The following CZIB variants were observed in gnomAD, a reference collection of about 807,000 sequenced individuals.
CZIB encodes UPF0587 protein C1orf123.
In CZIB, 26 loss-of-function variants were observed where a neutral mutation model predicts 28.3. The observed-to-expected ratio is 0.92, with a 90% CI of 0.67 to 1.27. The LOEUF is 1.27. CZIB is among the 50% of genes most tolerant of loss of function. The probability of loss-of-function intolerance (pLI) is 0.00; values close to 1 mark genes in which losing one functional copy is unlikely to be tolerated. For missense variants in CZIB, 179 were observed against 197.3 expected, an observed-to-expected ratio of 0.91 and a Z score of 0.56; for synonymous variants, 78 against 71.1, an observed-to-expected ratio of 1.10 and a Z score of -0.49.
chr1:53,214,843 C>G (rs1645459633), intron 7 of CZIB, 107 bp from the exon 8 acceptor site: 1 of 845,314 alleles, frequency 1.2e-6, no homozygotes. Flanking sequence ...CTCAAATAAT[C>G]ATGAACATGT....
In CZIB at chr1:53,218,909, G is replaced by A; in HGVS notation, c.105C>T (p.Asn35=). ...GCCACTTGTCCGAAATCTCACCACAGTTGCCACATTTCATCTTTGGGGAAA... is the reference window on the plus strand; with the variant it reads ...GCCACTTGTCCGAAATCTCACCACAATTGCCACATTTCATCTTTGGGGAAA... ...FRWYLKMKCG[N]CGEISDKWQY... is the part of the protein sequence containing the mutation. The change falls in exon 3 of 8, where the codon AAC becomes AAT. Residue 35 remains asparagine (N), a synonymous_variant. Transcript: ENST00000294360. The A allele has an allele frequency of 6.2e-7, 1 of 1,613,990 alleles. No homozygotes were observed. The highest frequency in any genetic ancestry group is 8.5e-7 in the Non-Finnish European group (1 of 1,179,898).
rs1645485640 is a variant in CZIB at position 53,218,160 on chromosome 1, C to T, written c.261+12G>A. The stretch of plus-strand genomic sequence containing the variant: ...AAGCCCACCATCCCTGCCACTACAG[C>T]AGCAAACTTACATTGTAAGGCTTGA... On this transcript the variant is annotated intron_variant, in intron 5 of 7. Coordinates refer to ENST00000294360, the MANE Select transcript of CZIB (RefSeq NM_017887.3). The T allele has an allele frequency of 6.2e-7, 1 of 1,613,840 alleles. No individual in the cohort carries two copies. Among genetic ancestry groups the T allele is most frequent in the African/African-American group, 1.3e-5 (1 of 75,056 alleles).
chr1:53,220,390 C>T (rs750327150), intron 1 of CZIB, 46 bp from the exon 2 acceptor site: 3 of 1,596,854 alleles, frequency 1.9e-6, no homozygotes, highest in East Asian at 2.2e-5. Flanking sequence ...GCCTGCGCAG[C>T]CCCACGCCTG....
intron 3 of CZIB, 88 bp downstream of exon 3, chr1:53,218,779 G>A: frequency 2.2e-6 from 3 of 1,339,602 alleles, no homozygotes; most frequent in East Asian, 2.3e-5. Flanking sequence ...GAACTGGAGA[G>A]ATGAAGGCCA....
intron 7 of CZIB, 97 bp from the exon 8 acceptor site, chr1:53,214,833 CTCAAATAA>C (rs1645459573): frequency 1.1e-6 from 1 of 926,592 alleles, no homozygotes; most frequent in African/African-American, 1.6e-5. Flanking sequence ...CAGGCTCTGA[CTCAAATAA>C]TCATGAACAT....
rs561606271 is a variant in CZIB, at chr1:53,220,495, C to T, written c.6+75G>A. 5,077 of 1,596,600 alleles carry T rather than the reference C, an allele frequency of 3.2e-3. 22 individuals are homozygous for T. Among genetic ancestry groups the T allele is most frequent in the Middle Eastern group, 0.02 (115 of 5,870 alleles). Reference sequence around the variant, plus strand: ...CGCGCACCCACTCGCTTCATCTCCTCCTGGCGCGAGCTGTTGCCTCCCAGA... The same window carrying T: ...CGCGCACCCACTCGCTTCATCTCCTTCTGGCGCGAGCTGTTGCCTCCCAGA... On this transcript the variant is annotated intron_variant, in intron 1 of 7. Coordinates refer to ENST00000294360, the MANE Select transcript of CZIB (RefSeq NM_017887.3).
In CZIB at chr1:53,214,380, T is replaced by A. The variant is rs930102958; in HGVS notation, c.*279A>T. ...TGGGGAGATACCATCTCCTTAAAAA[T>A]ACTCTTCATTTTCCTAAGGAGTGAA... On this transcript the variant is annotated 3_prime_UTR_variant, in exon 8 of 8. Transcript: ENST00000294360. The A allele has an allele frequency of 1.3e-5, 5 of 384,194 alleles. No homozygotes were observed. The Admixed American group carries it at 1.6e-4, about 12-fold the overall frequency. The allele number at this position is 384,194 out of a possible 1,614,324, so 23.8% of individuals were successfully genotyped here. A position where few individuals can be genotyped will look rare whatever the true frequency, so the allele number is the denominator to read the frequency against.
chr1:53,218,916 C>T lies in CZIB; in HGVS notation c.98G>A (p.Cys33Tyr), dbSNP rs752769385. Reference sequence around the variant, plus strand: ...GTCCGAAATCTCACCACAGTTGCCACATTTCATCTTTGGGGAAAAAGAATG... The same window carrying T: ...GTCCGAAATCTCACCACAGTTGCCATATTTCATCTTTGGGGAAAAAGAATG... ...EDFRWYLKMK[C>Y]GNCGEISDKW... The change falls in exon 3 of 8, where the codon TGT (cysteine) becomes TAT (tyrosine). Residue 33 changes from cysteine (C) to tyrosine (Y), a missense_variant. By Grantham distance (194) the Cys-to-Tyr change is radical (BLOSUM62 -2). Transcript: ENST00000294360. 6.2e-7 allele frequency: 1 copy of T among 1,613,832 alleles called. No homozygotes were observed. Among genetic ancestry groups the T allele is most frequent in the Non-Finnish European group, 8.5e-7 (1 of 1,179,812 alleles).
Position 53,214,682 on chromosome 1 carries a change from T to C in CZIB, c.460A>G (p.Thr154Ala). Residue 154 changes from threonine to alanine, a missense_variant, in exon 8 of 8, where the codon ACC becomes GCC. By Grantham distance (58) the Thr-to-Ala change is moderately conservative. Coordinates refer to ENST00000294360, the MANE Select transcript of CZIB (RefSeq NM_017887.3). Reference protein sequence around the residue: ...AQESVGIYEVTHQFVKC With the variant: ...AQESVGIYEVAHQFVKC Reference sequence around the variant, plus strand: ...GATCAGCACTTCACAAACTGGTGGGTGACCTCATAGATTCCCACAGACTCC... The same window carrying C: ...GATCAGCACTTCACAAACTGGTGGGCGACCTCATAGATTCCCACAGACTCC... The C allele has an allele frequency of 1.2e-6, 2 of 1,614,108 alleles. No individual in the cohort carries two copies. Among genetic ancestry groups the C allele is most frequent in the South Asian group, 1.1e-5 (1 of 91,082 alleles).
rs1449032645 is a variant in CZIB, at chr1:53,220,336, C to T, written c.15G>A (p.Ala5=). MGKI[A]LQLKATLENI... The stretch of plus-strand genomic sequence containing the variant: ...TCTCCAGCGTGGCTTTGAGTTGCAG[C>T]GCGATTTTCTGAGGGGGAGGGCCAG... Residue 5 remains alanine, a synonymous_variant, in exon 2 of 8, where the codon GCG becomes GCA. Transcript: ENST00000294360. 1.2e-6 allele frequency: 2 copies of T among 1,612,902 alleles called. No homozygotes were observed. Among genetic ancestry groups the T allele is most frequent in the Non-Finnish European group, 1.7e-6 (2 of 1,179,908 alleles).
chr1:53,218,352 AGCCT>A, intron 4 of CZIB, 58 bp downstream of exon 4: 2 of 1,599,050 alleles, frequency 1.3e-6, no homozygotes, highest in East Asian at 2.2e-5. Flanking sequence ...GTCTACTTTC[AGCCT>A]GGTGCCAGGA....
In CZIB at chr1:53,218,857, G is replaced by A. The variant is rs535854722; in HGVS notation, c.147+10C>T. ...GTGTTTATGTTGGGGGTTGGGCGGG[G>A]AACAGTTACCATCAGCCGGATGTAC... On this transcript the variant is annotated intron_variant, in intron 3 of 7. Coordinates refer to ENST00000294360, the MANE Select transcript of CZIB (RefSeq NM_017887.3). 1.7e-5 allele frequency: 28 copies of A among 1,610,650 alleles called. No individual in the cohort carries two copies. Among genetic ancestry groups the A allele is most frequent in the African/African-American group, 1.7e-4 (13 of 74,870 alleles).
rs188449206 is a variant in CZIB, at chr1:53,218,816, G to A, written c.147+51C>T. 105 of 1,521,016 alleles carry A rather than the reference G, an allele frequency of 6.9e-5. No individual in the cohort carries two copies. In the African/African-American group the frequency reaches 1.4e-3, roughly 20 times the overall value. 94.2% of individuals were successfully genotyped at this position (1,521,016 alleles called of 1,614,324 possible). A position where few individuals can be genotyped will look rare whatever the true frequency, so the allele number is the denominator to read the frequency against. On this transcript the variant is annotated intron_variant, in intron 3 of 7. Transcript: ENST00000294360. Reference sequence around the variant, plus strand: ...TTTCCCCAAATCCCTGCCCAGAAGTGTATGTGTGTTTGTGAGTGTTTATGT... The same window carrying A: ...TTTCCCCAAATCCCTGCCCAGAAGTATATGTGTGTTTGTGAGTGTTTATGT...
At position 53,218,407 on chromosome 1, in the gene CZIB, G is replaced by C. The variant is rs748574766; in HGVS notation, c.229+7C>G. 3 of 1,614,112 alleles carry C rather than the reference G, an allele frequency of 1.9e-6. No individual in the cohort carries two copies. In the South Asian group the frequency reaches 3.3e-5, roughly 18 times the overall value. On this transcript the variant is annotated splice_region_variant and intron_variant, in intron 4 of 7. Transcript: ENST00000294360. The stretch of plus-strand genomic sequence containing the variant: ...TGGCAGAACTCAGTACGCACAGCCT[G>C]ACCTACCGATGGAATTTTCTCTTGC...
At chr1:53,216,497 C>G (rs1328558377) in intron 6 of CZIB, among the ~76,000 whole-genome samples, 1 of 152,200 alleles carries the variant, frequency 6.6e-6, no homozygotes, top group Non-Finnish European at 1.5e-5. Flanking sequence ...AGCTCCACTG[C>G]TTACTGTGTG....
chr1:53,218,319 G>A, intron 4 of CZIB, 95 bp downstream of exon 4: 1 of 1,577,806 alleles, frequency 6.3e-7, no homozygotes, highest in Admixed American at 1.7e-5. Flanking sequence ...TCTTAGGCCT[G>A]ACTCCACCCT....
chr1:53,216,218 G>A (rs377670747), intron 6 of CZIB, among the ~76,000 whole-genome samples, 162 bp from the exon 7 acceptor site: 5 of 152,190 alleles, frequency 3.3e-5, no homozygotes, highest in Non-Finnish European at 7.3e-5. Context: ...TCCAGGACCC[G>A]GCAGCTGCCT....
In CZIB at chr1:53,214,621, T is replaced by C. The variant is rs1645457169; in HGVS notation, c.*38A>G. On this transcript the variant is annotated 3_prime_UTR_variant, in exon 8 of 8. Transcript: ENST00000294360. ...CTCTGCTGCTTAGAGTACTTTGTCC[T>C]TTCTCAGTTCTTAAGGGCAACTGGG... 1.9e-6 allele frequency: 3 copies of C among 1,583,654 alleles called. No homozygotes were observed. Among genetic ancestry groups the C allele is most frequent in the Non-Finnish European group, 2.6e-6 (3 of 1,153,170 alleles).
rs145724488 is a variant in CZIB, at chr1:53,220,306, G to A, written c.45C>T (p.Ile15=). ...CCTCGCCCACGGGCCGGAGGTTGGTGATGTTCTCCAGCGTGGCTTTGAGTT... is the reference window on the plus strand; with the variant it reads ...CCTCGCCCACGGGCCGGAGGTTGGTAATGTTCTCCAGCGTGGCTTTGAGTT... ...ALQLKATLEN[I]TNLRPVGEDF... Residue 15 remains isoleucine, a synonymous_variant, in exon 2 of 8, where the codon ATC becomes ATT. Coordinates refer to ENST00000294360, the MANE Select transcript of CZIB (RefSeq NM_017887.3). 6.4e-4 allele frequency: 1,030 copies of A among 1,613,648 alleles called. 7 individuals are homozygous for A. The African/African-American group carries it at 0.012, about 19-fold the overall frequency.
Sources: allele counts gnomAD v4.1 joint callset (sites outside exome capture counted in the v4.1 genomes callset), GRCh38; gene constraint gnomAD v4.1.1; transcripts MANE v1.5; gene names NCBI Gene and HGNC (gene_info 2026-07-23, HGNC 2026-07-21).